The following PDE4D variants were observed in gnomAD, a reference collection of about 807,000 sequenced individuals.
The protein encoded by PDE4D is 3',5'-cyclic-AMP phosphodiesterase 4D.
Under a neutral mutation model 87.4 loss-of-function variants are expected in PDE4D, and 24 were observed. That is an observed-to-expected ratio of 0.27 (90% CI 0.20 to 0.39). PDE4D has a LOEUF of 0.39. Among genes scored for constraint, PDE4D ranks in the 10% least tolerant of loss-of-function variants. The pLI, the probability that PDE4D is intolerant of heterozygous loss-of-function variation, is 1.00. For missense variants in PDE4D, 714 were observed against 1,041.0 expected, an observed-to-expected ratio of 0.69 and a Z score of 4.32; for synonymous variants, 384 against 383.2, an observed-to-expected ratio of 1.00 and a Z score of -0.02.
chr5:60,501,451 CA>C (rs1750072671), intron 1 of PDE4D, among the ~76,000 whole-genome samples: 1 of 151,780 alleles, frequency 6.6e-6, no homozygotes, highest in African/African-American at 2.4e-5. Flanking sequence ...AATAGAGCCG[CA>C]ATAAACATAC....
At chr5:59,504,108 T>C (rs1808807066) in intron 1 of PDE4D, among the ~76,000 whole-genome samples, 1 of 151,428 alleles carries the variant, frequency 6.6e-6, no homozygotes, top group East Asian at 1.9e-4. Context: ...AAATATGCAA[T>C]CAATAAATGT....
intron 1 of PDE4D, chr5:59,586,307 G>A (rs1324920675): frequency 6.5e-7 from 1 of 1,544,230 alleles, no homozygotes; most frequent in Admixed American, 1.7e-5. Context: ...TTTACAAACT[G>A]AAGGGAATAT....
chr5:60,422,217 A>C (rs575567516), intron 1 of PDE4D, among the ~76,000 whole-genome samples: 91 of 152,320 alleles, frequency 6.0e-4, no homozygotes, highest in Admixed American at 1.0e-3. Context: ...CTCCTCAAGA[A>C]GAGCAACCCC....
At chr5:59,285,804 G>T (rs554307486) in intron 1 of PDE4D, among the ~76,000 whole-genome samples, 1 of 152,038 alleles carries the variant, frequency 6.6e-6, no homozygotes, top group Non-Finnish European at 1.5e-5. Context: ...CAATGGGGAG[G>T]GTGTTTGTGT....
At chr5:59,264,762 A>G (rs1001239034) in intron 1 of PDE4D, among the ~76,000 whole-genome samples, 2 of 152,050 alleles carry the variant, frequency 1.3e-5, no homozygotes, top group Non-Finnish European at 2.9e-5. Flanking sequence ...AATAGTAGAT[A>G]TCAGAGACAG....
intron 1 of PDE4D, among the ~76,000 whole-genome samples, chr5:59,265,590 C>G (rs908319231): frequency 6.6e-6 from 1 of 152,062 alleles, no homozygotes; most frequent in Admixed American, 6.6e-5. Context: ...CCTGGTCACT[C>G]ACAAGGAGCC....
intron 1 of PDE4D, among the ~76,000 whole-genome samples, chr5:59,401,765 G>C (rs192099458): frequency 6.6e-6 from 1 of 152,338 alleles, no homozygotes; most frequent in East Asian, 1.9e-4. Context: ...AGCCTTGGCT[G>C]TTGCCGCTCA....
At chr5:60,457,179 T>C (rs1746537574) in intron 1 of PDE4D, among the ~76,000 whole-genome samples, 1 of 152,136 alleles carries the variant, frequency 6.6e-6, no homozygotes, top group East Asian at 1.9e-4. Context: ...CCTAATAGAT[T>C]TGCAGTACAG....
intron 1 of PDE4D, among the ~76,000 whole-genome samples, chr5:59,562,535 T>C (rs1232700828): frequency 6.6e-6 from 1 of 152,224 alleles, no homozygotes; most frequent in Non-Finnish European, 1.5e-5. Context: ...ATGTTGTGAA[T>C]GGAAATTCAT....
At chr5:60,108,216 C>G (rs1436121522) in intron 2 of PDE4D, among the ~76,000 whole-genome samples, 4 of 151,298 alleles carry the variant, frequency 2.6e-5, no homozygotes, top group Admixed American at 2.6e-4. Context: ...ACAGCAACAA[C>G]AGACAAACAG....
At chr5:59,439,220 A>G (rs943331912) in intron 1 of PDE4D, among the ~76,000 whole-genome samples, 1 of 152,078 alleles carries the variant, frequency 6.6e-6, no homozygotes, top group African/African-American at 2.4e-5. Flanking sequence ...TTAGCTGTGC[A>G]TGGTGGCACA....
chr5:59,427,539 T>A (rs1482495669), intron 1 of PDE4D, among the ~76,000 whole-genome samples: 1 of 152,080 alleles, frequency 6.6e-6, no homozygotes, highest in Non-Finnish European at 1.5e-5. Flanking sequence ...GATTTTTAAA[T>A]CTCTGTATGA....
chr5:59,505,765 G>A (rs750071747), intron 1 of PDE4D, among the ~76,000 whole-genome samples: 1 of 152,142 alleles, frequency 6.6e-6, no homozygotes, highest in Non-Finnish European at 1.5e-5. Context: ...ACGTTGTTAA[G>A]ACTATGAAGC....
intron 1 of PDE4D, among the ~76,000 whole-genome samples, chr5:60,319,130 C>T (rs1755942462): frequency 6.6e-6 from 1 of 152,198 alleles, no homozygotes; most frequent in Non-Finnish European, 1.5e-5. Flanking sequence ...ACCAATCAGA[C>T]ATAGATTTGG....
intron 2 of PDE4D, among the ~76,000 whole-genome samples, chr5:60,177,788 A>G (rs1484984754): frequency 6.6e-6 from 1 of 152,212 alleles, no homozygotes; most frequent in Non-Finnish European, 1.5e-5. Context: ...CATGAGTGAT[A>G]TAGACACCGG....
rs1184611767 is a variant in PDE4D at position 59,893,381 on chromosome 5, AG to A, written c.241del (p.Leu81CysfsTer56). The A allele has an allele frequency of 1.4e-5, 17 of 1,241,722 alleles. No individual in the cohort carries two copies. Among genetic ancestry groups the A allele is most frequent in the South Asian group, 3.5e-5 (1 of 28,838 alleles). 76.9% of individuals were successfully genotyped at this position (1,241,722 alleles called of 1,614,324 possible). Reference protein sequence around the residue: ...CPLQPPPPPPLPPPPPPPGAA... With the variant: ...CPLQPPPPPPXPPPPPPPGAA... ...CCCGGGCGGCGGCGGGGGCGGCGGC[AG>A]GGGGGGCGGCGGCGGCGGCTGTAGC... is the stretch of plus-strand genomic sequence containing the variant. On this transcript the variant is annotated frameshift_variant, in exon 1 of 15. Coordinates refer to ENST00000340635, the MANE Select transcript of PDE4D (RefSeq NM_001104631.2). LOFTEE classifies it high-confidence loss of function.
intron 2 of PDE4D, among the ~76,000 whole-genome samples, chr5:60,010,057 G>A (rs974556023): frequency 2.6e-5 from 4 of 152,016 alleles, no homozygotes; most frequent in African/African-American, 9.7e-5. Flanking sequence ...CTCTGTGAAA[G>A]TAACATTTGC....
At chr5:59,940,310 A>AT (rs931045799) in intron 3 of PDE4D, among the ~76,000 whole-genome samples, 9 of 152,116 alleles carry the variant, frequency 5.9e-5, no homozygotes, top group Admixed American at 2.6e-4. Context: ...ATTTCAAAGG[A>AT]TTTTTTCTGG....
At chr5:60,047,024 A>G (rs1411331692) in intron 2 of PDE4D, among the ~76,000 whole-genome samples, 3 of 152,106 alleles carry the variant, frequency 2.0e-5, no homozygotes, top group South Asian at 2.1e-4. Context: ...GTAAGCTATT[A>G]ATTATTGCCT....
Sources: allele counts gnomAD v4.1 joint callset (sites outside exome capture counted in the v4.1 genomes callset), GRCh38; gene constraint gnomAD v4.1.1; transcripts MANE v1.5; gene names NCBI Gene and HGNC (gene_info 2026-07-23, HGNC 2026-07-21).